VPS35L: variants seen among roughly 807,000 people sequenced by gnomAD.
The protein encoded by VPS35L is VPS35 endosomal protein sorting factor like.
A neutral mutation model predicts 133.0 loss-of-function variants in VPS35L; 83 were observed. That is an observed-to-expected ratio of 0.62 (90% CI 0.52 to 0.75). The LOEUF (loss-of-function observed/expected upper bound fraction) is 0.75. Among genes scored for constraint, VPS35L ranks in the 30% least tolerant of loss-of-function variants. The pLI is 0.00. For synonymous variants in VPS35L, 423 were observed against 449.9 expected, an observed-to-expected ratio of 0.94 and a Z score of 0.76; for missense variants, 1,083 against 1,206.8, an observed-to-expected ratio of 0.90 and a Z score of 1.52.
intron 9 of VPS35L, among the ~76,000 whole-genome samples, chr16:19,602,685 C>T (rs376776524): frequency 5.9e-5 from 9 of 152,268 alleles, no homozygotes; most frequent in African/African-American, 2.2e-4. Flanking sequence ...TCGCTGCAGC[C>T]TTCGCCTCCC....
At chr16:19,658,482 A>C (rs1974375077) in intron 26 of VPS35L, among the ~76,000 whole-genome samples, 4 of 152,146 alleles carry the variant, frequency 2.6e-5, no homozygotes. Flanking sequence ...GTGAGCCAAG[A>C]TCGCACCACT....
chr16:19,619,864 A>G (rs948699001), intron 14 of VPS35L, among the ~76,000 whole-genome samples: 3 of 152,152 alleles, frequency 2.0e-5, no homozygotes, highest in Admixed American at 1.3e-4. Context: ...GCATGTGACA[A>G]TTTGGTGCCT....
rs145960388 is a variant in VPS35L at position 19,592,567 on chromosome 16, T to C, written c.724+693T>C. 2.0e-4 allele frequency among the ~76,000 whole-genome samples: 30 copies of C among 152,230 alleles called. No homozygotes were observed. In the East Asian group the frequency reaches 5.4e-3, roughly 27 times the overall value. ...AGGAATGGCACCACCATGTACCCAG[T>C]TGCCTGAGCTGGGAATCTGAGCATC... On this transcript the variant is annotated intron_variant, in intron 8 of 30. Transcript: ENST00000417362.
intron 27 of VPS35L, among the ~76,000 whole-genome samples, chr16:19,679,418 T>G (rs2151615244): frequency 6.6e-6 from 1 of 151,288 alleles, no homozygotes; most frequent in East Asian, 1.9e-4. Context: ...GGCTAATTTT[T>G]TTTTTTTTTT....
At chr16:19,608,041 C>A (rs1972589061) in intron 9 of VPS35L, 137 bp from the exon 10 acceptor site, 2 of 660,220 alleles carry the variant, frequency 3.0e-6, no homozygotes, top group Non-Finnish European at 5.4e-6. Flanking sequence ...CAGTTACTTC[C>A]TAATAGTGAT....
chr16:19,651,921 G>A, intron 25 of VPS35L, 55 bp from the exon 26 acceptor site: 4 of 1,237,962 alleles, frequency 3.2e-6, no homozygotes, highest in Non-Finnish European at 4.7e-6. Flanking sequence ...GAAAACAGGA[G>A]TATGATTCTG....
intron 8 of VPS35L, among the ~76,000 whole-genome samples, chr16:19,595,489 C>T (rs1012071727): frequency 2.6e-5 from 4 of 152,162 alleles, no homozygotes; most frequent in Admixed American, 6.5e-5. Context: ...TCTGGCTCCC[C>T]TGGCAGTCTC....
At chr16:19,570,039 T>C (rs2151506429) in intron 3 of VPS35L, among the ~76,000 whole-genome samples, 1 of 152,238 alleles carries the variant, frequency 6.6e-6, no homozygotes, top group Admixed American at 6.5e-5. Context: ...TTTGTTTTTT[T>C]GTTTGAAAGC....
At position 19,608,246 on chromosome 16, in the gene VPS35L, G is replaced by A. The variant is rs1422809750; in HGVS notation, c.853G>A (p.Ala285Thr). 6 of 1,608,884 alleles carry A rather than the reference G, an allele frequency of 3.7e-6. No homozygotes were observed. Among genetic ancestry groups the A allele is most frequent in the African/African-American group, 1.3e-5 (1 of 74,158 alleles). The change falls in exon 10 of 31, where the codon GCC becomes ACC. Residue 285 changes from alanine (A) to threonine (T), a missense_variant. Physicochemically the swap from Ala to Thr is moderately conservative, Grantham distance 58. Transcript: ENST00000417362. ...ATGCCTAAATTGGTTTTTCAAGATTGCCTCCATCAGGGAACTCATTCCAAG... is the reference window on the plus strand; with the variant it reads ...ATGCCTAAATTGGTTTTTCAAGATTACCTCCATCAGGGAACTCATTCCAAG... ...ETCLNWFFKIASIRELIPRFY... is the reference protein window; with the variant it reads ...ETCLNWFFKITSIRELIPRFY...
intron 6 of VPS35L, chr16:19,579,931 G>A (rs1431751915): frequency 6.6e-6 from 1 of 151,810 alleles, no homozygotes; most frequent in Admixed American, 6.6e-5. Flanking sequence ...CAGGCGCGGT[G>A]GCTCATGCCT....
At chr16:19,625,157 G>A (rs1209141938) in intron 14 of VPS35L, among the ~76,000 whole-genome samples, 1 of 152,124 alleles carries the variant, frequency 6.6e-6, no homozygotes, top group Non-Finnish European at 1.5e-5. Flanking sequence ...ATTGAAGAAC[G>A]TGGCCTTTGA....
At chr16:19,632,132 T>C (rs534175297) in intron 18 of VPS35L, among the ~76,000 whole-genome samples, 107 of 151,858 alleles carry the variant, frequency 7.0e-4, no homozygotes, top group South Asian at 1.5e-3. Flanking sequence ...CCGCTAATTT[T>C]ATGTATTTTT....
chr16:19,640,061 G>T lies in VPS35L; in HGVS notation c.1745G>T (p.Arg582Leu), dbSNP rs144364706. The change falls in exon 21 of 31, where the codon CGG (arginine) becomes CTG (leucine). Residue 582 changes from arginine to leucine, a missense_variant. Arg to Leu is a moderately radical substitution (Grantham distance 102). Transcript: ENST00000417362. ...FLDMFQKESV[R>L]VEVCKCIMDA... ...GACATGTTCCAAAAAGAGAGTGTGC[G>T]GGTGGAGGTTTGCAAATGCATCATG... 2 of 1,614,200 alleles carry T rather than the reference G, an allele frequency of 1.2e-6. No individual in the cohort carries two copies. The highest frequency in any genetic ancestry group is 4.5e-5 in the East Asian group (2 of 44,884).
At chr16:19,565,486 G>C (rs1422730352) in intron 2 of VPS35L, among the ~76,000 whole-genome samples, 1 of 152,078 alleles carries the variant, frequency 6.6e-6, no homozygotes, top group Non-Finnish European at 1.5e-5. Context: ...GGGAGTACAG[G>C]CATGCACCAT....
rs752805832 is a variant in VPS35L, at chr16:19,640,146, T to C, written c.1784+46T>C. ...CAGAAGCCTTGATTCCCAATGTCCT[T>C]GTGAAACCTGTTGATAAAAAATCAG... On this transcript the variant is annotated intron_variant, in intron 21 of 30. Coordinates refer to ENST00000417362, the MANE Select transcript of VPS35L (RefSeq NM_020314.7). The C allele has an allele frequency of 4.9e-5, 75 of 1,539,540 alleles. 1 individual carries two copies. Among genetic ancestry groups the C allele is most frequent in the Non-Finnish European group, 6.5e-5 (73 of 1,117,828 alleles).
intron 28 of VPS35L, among the ~76,000 whole-genome samples, chr16:19,689,427 T>C (rs373581289): frequency 6.6e-6 from 1 of 151,988 alleles, no homozygotes; most frequent in Admixed American, 6.5e-5. Flanking sequence ...TGCACCACCA[T>C]GCCCAGCTGA....
chr16:19,655,071 A>G lies in VPS35L; in HGVS notation c.2221+2981A>G, dbSNP rs564409481. Reference sequence around the variant, plus strand: ...GTTTCTCCCTGTTGTGCTTCCTATAACGTCCTCGGTCCCCACTGAGGGACA... The same window carrying G: ...GTTTCTCCCTGTTGTGCTTCCTATAGCGTCCTCGGTCCCCACTGAGGGACA... On this transcript the variant is annotated intron_variant, in intron 26 of 30. Transcript: ENST00000417362. Among the ~76,000 whole-genome samples, 13 of 152,272 alleles carry G rather than the reference A, an allele frequency of 8.5e-5. No homozygotes were observed. The South Asian group carries it at 2.7e-3, about 32-fold the overall frequency.
chr16:19,618,377 G>A lies in VPS35L; in HGVS notation c.1224+1569G>A, dbSNP rs116552747. ...AGAGATGCACACACGGTTTGTTCAC[G>A]GTAGTGCAAAATTGGAGGCAAGCAT... On this transcript the variant is annotated intron_variant, in intron 14 of 30. Transcript: ENST00000417362. 3.3e-3 allele frequency among the ~76,000 whole-genome samples: 507 copies of A among 152,266 alleles called. 2 individuals are homozygous for A. Among genetic ancestry groups the A allele is most frequent in the African/African-American group, 0.012 (490 of 41,546 alleles).
At chr16:19,684,857 G>C (rs1975403463) in intron 28 of VPS35L, among the ~76,000 whole-genome samples, 1 of 152,088 alleles carries the variant, frequency 6.6e-6, no homozygotes, top group Non-Finnish European at 1.5e-5. Context: ...AGGAGTTCGA[G>C]GCTAGCCTGA....
Sources: gnomAD v4.1 joint callset for allele counts (sites outside exome capture counted in the v4.1 genomes callset) on GRCh38, gnomAD v4.1.1 for gene constraint, MANE v1.5 for transcripts, NCBI Gene and HGNC (gene_info 2026-07-23, HGNC 2026-07-21) for gene names.